The following SP100 variants were observed in gnomAD, a reference collection of about 807,000 sequenced individuals.
SP100 encodes SP100 nuclear body protein, also known as nuclear autoantigen Sp-100.
In SP100, 84 loss-of-function variants were observed where a neutral mutation model predicts 130.0. The observed-to-expected ratio is 0.65, with a 90% CI of 0.54 to 0.77. The LOEUF is 0.77. SP100 is among the 30% of genes least tolerant of loss of function. The probability of loss-of-function intolerance (pLI) is 0.00; values close to 1 mark genes in which losing one functional copy is unlikely to be tolerated. For synonymous variants in SP100, 331 were observed against 351.7 expected (o/e 0.94, Z 0.66); for missense variants, 978 against 1,052.2 (o/e 0.93, Z 0.97).
chr2:230,486,583 C>T (rs2066111773), intron 17 of SP100, among the ~76,000 whole-genome samples: 1 of 152,194 alleles, frequency 6.6e-6, no homozygotes, highest in Non-Finnish European at 1.5e-5. Context: ...CATTGTTGGG[C>T]ATCTGGTTTG....
At position 230,497,544 on chromosome 2, in the gene SP100, G is replaced by GAGGAAAGGAA. The variant is rs1231660014; in HGVS notation, c.1646-852_1646-843dup. On this transcript the variant is annotated intron_variant, in intron 18 of 28. Coordinates refer to ENST00000340126, the MANE Select transcript of SP100 (RefSeq NM_001080391.2). ...GAGGAGAGGAGAGGAGAGGAGAGGA[G>GAGGAAAGGAA]AGGAAAGGAAAGGAAAGGAAAGGAA... Among the ~76,000 whole-genome samples, 115 of 19,294 alleles carry GAGGAAAGGAA rather than the reference G, an allele frequency of 6.0e-3. 1 individual carries two copies. Among genetic ancestry groups the GAGGAAAGGAA allele is most frequent in the South Asian group, 0.011 (3 of 274 alleles). 12.7% of individuals were successfully genotyped at this position (19,294 alleles called of 152,430 possible).
chr2:230,416,848 A>C (rs1352315182), intron 1 of SP100: 20 of 985,384 alleles, frequency 2.0e-5, no homozygotes, highest in Non-Finnish European at 2.4e-5. Context: ...ATCAACCTTG[A>C]TCAAAAGAAG....
Position 230,462,760 on chromosome 2 carries a change from C to G in SP100, c.1057+242C>G, listed in dbSNP as rs2064725766. On this transcript the variant is annotated intron_variant, in intron 10 of 28. Coordinates refer to ENST00000340126, the MANE Select transcript of SP100 (RefSeq NM_001080391.2). ...TGGATTCTATTAATCAATATTCATA[C>G]CCATACATTGATTATATAGTAGGAA... 6.6e-5 allele frequency: 31 copies of G among 471,784 alleles called. 1 individual carries two copies. In the South Asian group the frequency reaches 6.6e-4, roughly 10 times the overall value. The allele number at this position is 471,784 out of a possible 1,614,324, so 29.2% of individuals were successfully genotyped here.
In SP100 at chr2:230,545,003, C is replaced by G. The variant is rs1378081685; in HGVS notation, c.*2057C>G. 6.6e-6 allele frequency among the ~76,000 whole-genome samples: 1 copy of G among 152,126 alleles called. No individual in the cohort carries two copies. Among genetic ancestry groups the G allele is most frequent in the Non-Finnish European group, 1.5e-5 (1 of 68,026 alleles). On this transcript the variant is annotated 3_prime_UTR_variant, in exon 29 of 29. Coordinates refer to ENST00000340126, the MANE Select transcript of SP100 (RefSeq NM_001080391.2). ...TTGATGGGAGTGTAAATTAGTTCAA[C>G]CACTGTGGAAAGCAGTGTGGCAACT... is the stretch of plus-strand genomic sequence containing the variant.
intron 21 of SP100, among the ~76,000 whole-genome samples, chr2:230,504,668 A>C (rs1689939519): frequency 6.6e-6 from 1 of 152,210 alleles, no homozygotes; most frequent in Admixed American, 6.5e-5. Flanking sequence ...GGTTTTTACC[A>C]GTCACATAGG....
intron 9 of SP100, 128 bp downstream of exon 9, chr2:230,461,542 G>A (rs2064635391): frequency 1.2e-6 from 1 of 840,244 alleles, no homozygotes; most frequent in Non-Finnish European, 1.9e-6. Context: ...GAAAGGGGCT[G>A]GCACCTGATG....
chr2:230,430,118 GC>G (rs2063053554), intron 2 of SP100, among the ~76,000 whole-genome samples: 1 of 152,226 alleles, frequency 6.6e-6, no homozygotes, highest in African/African-American at 2.4e-5. Flanking sequence ...GGCAGGGAAA[GC>G]CCTTCACTAG....
In SP100 at chr2:230,449,145, A is replaced by G. The variant is rs1476776860; in HGVS notation, c.581A>G (p.His194Arg). The G allele has an allele frequency of 6.2e-7, 1 of 1,612,994 alleles. No homozygotes were observed. Among genetic ancestry groups the G allele is most frequent in the African/African-American group, 1.3e-5 (1 of 74,998 alleles). Residue 194 changes from histidine to arginine, a missense_variant, in exon 6 of 29, where the codon CAT (histidine) becomes CGT (arginine). Coordinates refer to ENST00000340126, the MANE Select transcript of SP100 (RefSeq NM_001080391.2). ...TGGCCACCTTCGGGTTCCCCATCTC[A>G]TGCTGGTTTGTTCCTGTTTACTACT... ...LTWPPSGSPS[H>R]AGTTPPENGL...
chr2:230,497,502 GAGAGGAGAGGAGAGGA>G (rs2066741776), intron 18 of SP100, among the ~76,000 whole-genome samples: 2 of 20,150 alleles, frequency 9.9e-5, no homozygotes, highest in Non-Finnish European at 2.1e-4. Context: ...GAGAGGAGAG[GAGAGGAGAGGAGAGGA>G]GAGGAGAGGA....
Position 230,449,071 on chromosome 2 carries a change from T to C in SP100, c.524-17T>C, listed in dbSNP as rs1015249930. On this transcript the variant is annotated splice_polypyrimidine_tract_variant and intron_variant, in intron 5 of 28. Transcript: ENST00000340126. ...TACCTCGATTTCTGAAATAAACTTC[T>C]AATTTCTTCCTGCCAGGAACTGGTG... The C allele has an allele frequency of 8.8e-6, 13 of 1,474,612 alleles. No homozygotes were observed. The highest frequency in any genetic ancestry group is 1.2e-5 in the Non-Finnish European group (13 of 1,052,870). 91.3% of individuals were successfully genotyped at this position (1,474,612 alleles called of 1,614,324 possible).
chr2:230,450,101 G>A (rs1252897157), intron 7 of SP100, 71 bp from the exon 8 acceptor site: 1 of 1,065,512 alleles, frequency 9.4e-7, no homozygotes, highest in Non-Finnish European at 1.4e-6. Context: ...AGCAGGGTGA[G>A]GTCTAACCAA....
chr2:230,434,654 G>A lies in SP100; in HGVS notation c.108-8283G>A, dbSNP rs977656650. ...TGGGAGTGTGGGGGCAGGCTAAGGG[G>A]ATTGTGATTGTGATTTTTAGATAGG... On this transcript the variant is annotated intron_variant, in intron 2 of 28. Transcript: ENST00000340126. Among the ~76,000 whole-genome samples the A allele has an allele frequency of 9.9e-5, 15 of 152,126 alleles. 1 individual carries two copies. Among genetic ancestry groups the A allele is most frequent in the African/African-American group, 3.4e-4 (14 of 41,418 alleles).
chr2:230,451,958 A>G (rs999115507), intron 8 of SP100, among the ~76,000 whole-genome samples: 9 of 152,182 alleles, frequency 5.9e-5, no homozygotes, highest in Admixed American at 2.0e-4. Flanking sequence ...CCATAAATGC[A>G]TGGATCCAAG....
Position 230,462,538 on chromosome 2 carries a change from CAAGGCTTGGGCTGTGGGAATCTGATTTA to C in SP100, c.1057+22_1057+49del. On this transcript the variant is annotated intron_variant, in intron 10 of 28. Transcript: ENST00000340126. Reference sequence around the variant, plus strand: ...AGCCTGGTAAGGAAGTTTGGGAGAGCAAGGCTTGGGCTGTGGGAATCTGATTTAAGAGCTACTATTTCCTGAGGCATTT... The same window carrying C: ...AGCCTGGTAAGGAAGTTTGGGAGAGCAGAGCTACTATTTCCTGAGGCATTT... The C allele has an allele frequency of 1.3e-6, 2 of 1,577,048 alleles. No individual in the cohort carries two copies. Among genetic ancestry groups the C allele is most frequent in the South Asian group, 1.1e-5 (1 of 90,302 alleles).
intron 19 of SP100, 50 bp downstream of exon 19, chr2:230,498,585 C>A: frequency 9.6e-7 from 1 of 1,043,720 alleles, no homozygotes. Flanking sequence ...AATTCTCATG[C>A]TCTTAGTAAG....
intron 19 of SP100, among the ~76,000 whole-genome samples, chr2:230,499,928 G>A (rs1170545503): frequency 6.6e-6 from 1 of 152,072 alleles, no homozygotes; most frequent in Non-Finnish European, 1.5e-5. Flanking sequence ...CCTGGAGGTG[G>A]GGAAGGCTGA....
chr2:230,422,663 G>T (rs552820530), intron 2 of SP100, among the ~76,000 whole-genome samples: 213 of 152,130 alleles, frequency 1.4e-3, no homozygotes, highest in African/African-American at 5.0e-3. Flanking sequence ...CCTGATCTTT[G>T]CTTCTTTTCT....
At position 230,461,482 on chromosome 2, in the gene SP100, A is replaced by G. The variant is rs2064629740; in HGVS notation, c.973+68A>G. On this transcript the variant is annotated intron_variant, in intron 9 of 28. Transcript: ENST00000340126. Reference sequence around the variant, plus strand: ...ACCAGGTAAGGGGCTCAGGGACTTCATCACGGACCATCGGGGCAGTGCAGG... The same window carrying G: ...ACCAGGTAAGGGGCTCAGGGACTTCGTCACGGACCATCGGGGCAGTGCAGG... 4 of 1,522,300 alleles carry G rather than the reference A, an allele frequency of 2.6e-6. No individual in the cohort carries two copies. In the South Asian group the frequency reaches 4.6e-5, roughly 17 times the overall value. 94.3% of individuals were successfully genotyped at this position (1,522,300 alleles called of 1,614,324 possible). A position where few individuals can be genotyped will look rare whatever the true frequency, so the allele number is the denominator to read the frequency against.
intron 24 of SP100, among the ~76,000 whole-genome samples, chr2:230,527,611 A>G (rs1390387294): frequency 1.3e-5 from 2 of 152,228 alleles, no homozygotes; most frequent in African/African-American, 4.8e-5. Context: ...AAATGACCCA[A>G]TTAAAAGACA....
Sources: allele counts gnomAD v4.1 joint callset (sites outside exome capture counted in the v4.1 genomes callset), GRCh38; gene constraint gnomAD v4.1.1; transcripts MANE v1.5; gene names NCBI Gene and HGNC (gene_info 2026-07-23, HGNC 2026-07-21).